Variants in MRPL4 observed in about 807,000 individuals in gnomAD.
MRPL4 encodes the protein mitochondrial ribosomal protein L4, also known as large ribosomal subunit protein uL4m.
Under a neutral mutation model 34.1 loss-of-function variants are expected in MRPL4, and 34 were observed. That is an observed-to-expected ratio of 1.00 (90% CI 0.76 to 1.33). The LOEUF (loss-of-function observed/expected upper bound fraction) is 1.33, where lower values mean the gene tolerates loss of function less well. MRPL4 is among the 40% of genes most tolerant of loss of function. The pLI is 0.00. For synonymous variants in MRPL4, 196 were observed against 188.3 expected (o/e 1.04, Z -0.33); for missense variants, 402 against 434.6 (o/e 0.92, Z 0.67).
chr19:10,253,348 G>A (rs980531365), intron 3 of MRPL4, among the ~76,000 whole-genome samples: 37 of 151,572 alleles, frequency 2.4e-4, no homozygotes, highest in African/African-American at 2.7e-4. Context: ...GCGTGGTGGC[G>A]GGCGTCTGTA....
intron 8 of MRPL4, chr19:10,259,027 G>A (rs1344277353): frequency 7.1e-7 from 1 of 1,403,500 alleles, no homozygotes; most frequent in Non-Finnish European, 9.2e-7. Flanking sequence ...TGAGCTCAGG[G>A]GGCCAAGGCT....
rs201159293 is a variant in MRPL4, at chr19:10,258,637, G to A, written c.691G>A (p.Val231Met). The change falls in exon 8 of 9, where the codon GTG (valine) becomes ATG (methionine). Residue 231 changes from valine (V) to methionine (M), a missense_variant. Physicochemically the swap from Val to Met is conservative, Grantham distance 21 (BLOSUM62 1). Coordinates refer to ENST00000253099, the MANE Select transcript of MRPL4 (RefSeq NM_015956.3). ...ACACGAGGAGATGCCACAGAGCATCGTGGAGGCCACCTCTAGGCTTAAGAC... is the reference window on the plus strand; with the variant it reads ...ACACGAGGAGATGCCACAGAGCATCATGGAGGCCACCTCTAGGCTTAAGAC... ...LTHEEMPQSI[V>M]EATSRLKTFN... is the part of the protein sequence containing the mutation. 2.8e-5 allele frequency: 45 copies of A among 1,614,174 alleles called. No individual in the cohort carries two copies. Among genetic ancestry groups the A allele is most frequent in the Non-Finnish European group, 1.8e-5 (21 of 1,180,042 alleles).
intron 5 of MRPL4, 81 bp downstream of exon 5, chr19:10,256,906 C>A: frequency 9.0e-7 from 1 of 1,107,824 alleles, no homozygotes; most frequent in Non-Finnish European, 1.2e-6. Context: ...CACAGCTGCG[C>A]ACATCTGGCA....
At chr19:10,256,866 G>GGGGGGGGGGGGGGGGGC in intron 5 of MRPL4, 41 bp downstream of exon 5, 41 of 378,334 alleles carry the variant, frequency 1.1e-4, no homozygotes, top group East Asian at 2.5e-4. Context: ...GGGTGGGGGG[G>GGGGGGGGGGGGGGGGGC]CCAGGGAAGG....
intron 8 of MRPL4, chr19:10,259,315 G>A (rs2039885262): frequency 7.2e-7 from 1 of 1,380,302 alleles, no homozygotes; most frequent in South Asian, 1.8e-5. Context: ...TCACCTCCCT[G>A]CCCTCCCGTC....
At chr19:10,254,515 C>A (rs1450315631) in intron 3 of MRPL4, 74 bp from the exon 4 acceptor site, 7 of 1,569,078 alleles carry the variant, frequency 4.5e-6, no homozygotes, top group Non-Finnish European at 6.1e-6. Flanking sequence ...AAGGGAGAAT[C>A]CTGGGTTTTC....
At position 10,252,680 on chromosome 19, in the gene MRPL4, A is replaced by G. The variant is rs760324477; in HGVS notation, c.254A>G (p.Asp85Gly). 1 of 1,604,186 alleles carries G rather than the reference A, an allele frequency of 6.2e-7. No individual in the cohort carries two copies. Among genetic ancestry groups the G allele is most frequent in the South Asian group, 1.1e-5 (1 of 91,026 alleles). Residue 85 changes from aspartate (D) to glycine (G), a missense_variant, in exon 3 of 9, where the codon GAT becomes GGT. Coordinates refer to ENST00000253099, the MANE Select transcript of MRPL4 (RefSeq NM_015956.3). The stretch of plus-strand genomic sequence containing the variant: ...GTGGGCCTGGCCGACCTGCACCCCG[A>G]TGTTTTCGCCACCGCGCCCAGGTGA... The part of the protein sequence containing the change: ...ERVGLADLHP[D>G]VFATAPRLDI...
At position 10,259,636 on chromosome 19, in the gene MRPL4, G is replaced by A. The variant is rs1221503915; in HGVS notation, c.759G>A (p.Met253Ile). 2.8e-6 allele frequency: 4 copies of A among 1,438,896 alleles called. No individual in the cohort carries two copies. The highest frequency in any genetic ancestry group is 2.8e-6 in the Non-Finnish European group (3 of 1,078,432). The allele number at this position is 1,438,896 out of a possible 1,614,324, so 89.1% of individuals were successfully genotyped here. ...CCCCAGGCCTAAATGTGCACAGCATGCTCAAGCACCAGACGCTGGTCCTGA... is the reference window on the plus strand; with the variant it reads ...CCCCAGGCCTAAATGTGCACAGCATACTCAAGCACCAGACGCTGGTCCTGA... ...IPAVGLNVHS[M>I]LKHQTLVLTL... Residue 253 changes from methionine (M) to isoleucine (I), a missense_variant, in exon 9 of 9, where the codon ATG (methionine) becomes ATA (isoleucine). Coordinates refer to ENST00000253099, the MANE Select transcript of MRPL4 (RefSeq NM_015956.3).
chr19:10,258,334 G>A lies in MRPL4; in HGVS notation c.552+6G>A, dbSNP rs1406387683. ...TGACCGTCAAGCTGGCCCAGGTACAGCCATGGGGGGGCCCAGACAGCTGCT... is the reference window on the plus strand; with the variant it reads ...TGACCGTCAAGCTGGCCCAGGTACAACCATGGGGGGGCCCAGACAGCTGCT... On this transcript the variant is annotated splice_donor_region_variant and intron_variant, in intron 6 of 8. Transcript: ENST00000253099. 1 of 1,614,032 alleles carries A rather than the reference G, an allele frequency of 6.2e-7. No homozygotes were observed. The highest frequency in any genetic ancestry group is 1.7e-5 in the Admixed American group (1 of 60,008).
rs2304236 is a variant in MRPL4, at chr19:10,259,768, A to G, written c.891A>G (p.Leu297=). The G allele has an allele frequency of 1.2e-6, 2 of 1,612,642 alleles. No individual in the cohort carries two copies. Among genetic ancestry groups the G allele is most frequent in the Non-Finnish European group, 1.7e-6 (2 of 1,179,490 alleles). ...CCTACAGCGACTTCCCCCGACCCCT[A>G]CCCCACGCTACCCAGGGCCCAGCGG... ...SLPYSDFPRP[L]PHATQGPAAT... The change falls in exon 9 of 9, where the codon CTA becomes CTG. Residue 297 remains leucine (L), a synonymous_variant. Coordinates refer to ENST00000253099, the MANE Select transcript of MRPL4 (RefSeq NM_015956.3).
Position 10,258,471 on chromosome 19 carries a change from C to CA in MRPL4, c.612dup (p.Glu205ArgfsTer32), listed in dbSNP as rs775033265. 2 of 1,614,114 alleles carry CA rather than the reference C, an allele frequency of 1.2e-6. No individual in the cohort carries two copies. Among genetic ancestry groups the CA allele is most frequent in the South Asian group, 2.2e-5 (2 of 91,066 alleles). Reference sequence around the variant, plus strand: ...CCCACCGGAGACCCACAGTACCTGACAGAGCTGGCGCACTACCGCCGCTGG... The same window carrying CA: ...CCCACCGGAGACCCACAGTACCTGACAAGAGCTGGCGCACTACCGCCGCTGG... On this transcript the variant is annotated frameshift_variant, in exon 7 of 9. Coordinates refer to ENST00000253099, the MANE Select transcript of MRPL4 (RefSeq NM_015956.3). LOFTEE classifies it high-confidence loss of function.
At chr19:10,253,307 T>C (rs1351355715) in intron 3 of MRPL4, among the ~76,000 whole-genome samples, 1 of 150,764 alleles carries the variant, frequency 6.6e-6, no homozygotes, top group Non-Finnish European at 1.5e-5. Context: ...AAACCCCGTC[T>C]CTACTAAAAA....
intron 4 of MRPL4, 115 bp from the exon 5 acceptor site, chr19:10,256,591 CAG>C (rs2039853514): frequency 6.3e-6 from 5 of 797,512 alleles, no homozygotes; most frequent in Admixed American, 2.2e-5. Flanking sequence ...TGTGCTTGGC[CAG>C]AGAGAGCCCG....
chr19:10,258,451 C>T lies in MRPL4; in HGVS notation c.591C>T (p.Thr197=), dbSNP rs757213785. The change falls in exon 7 of 9, where the codon ACC becomes ACT. Residue 197 remains threonine (T), a synonymous_variant. Coordinates refer to ENST00000253099, the MANE Select transcript of MRPL4 (RefSeq NM_015956.3). ...TCATGGACTCCCTAGAGCTGCCCAC[C>T]GGAGACCCACAGTACCTGACAGAGC... ...LHIMDSLELP[T]GDPQYLTELA... is the part of the protein sequence containing the mutation. 41 of 1,613,952 alleles carry T rather than the reference C, an allele frequency of 2.5e-5. No homozygotes were observed. The highest frequency in any genetic ancestry group is 1.6e-4 in the Middle Eastern group (1 of 6,084).
At chr19:10,252,919 A>G in intron 3 of MRPL4, 1 of 637,514 alleles carries the variant, frequency 1.6e-6, no homozygotes, top group Non-Finnish European at 2.5e-6. Context: ...TTAGGGAGAC[A>G]GAATTCTGGA....
Position 10,259,761 on chromosome 19 carries a change from G to T in MRPL4, c.884G>T (p.Arg295Leu), listed in dbSNP as rs763787644. The change falls in exon 9 of 9, where the codon CGA becomes CTA. Residue 295 changes from arginine to leucine, a missense_variant. Coordinates refer to ENST00000253099, the MANE Select transcript of MRPL4 (RefSeq NM_015956.3). ...AGCCTGCCCTACAGCGACTTCCCCC[G>T]ACCCCTACCCCACGCTACCCAGGGC... ...PFSLPYSDFP[R>L]PLPHATQGPA... The T allele has an allele frequency of 6.2e-7, 1 of 1,613,688 alleles. No individual in the cohort carries two copies. The highest frequency in any genetic ancestry group is 8.5e-7 in the Non-Finnish European group (1 of 1,179,860).
chr19:10,259,612 C>A lies in MRPL4; in HGVS notation c.740-5C>A. 1.9e-6 allele frequency: 3 copies of A among 1,572,852 alleles called. No individual in the cohort carries two copies. Among genetic ancestry groups the A allele is most frequent in the Non-Finnish European group, 2.6e-6 (3 of 1,164,672 alleles). ...CCCCCCGCCCCGCCCCCACCCCGCC[C>A]CCAGGCCTAAATGTGCACAGCATGC... On this transcript the variant is annotated splice_polypyrimidine_tract_variant and splice_region_variant and intron_variant, in intron 8 of 8. Transcript: ENST00000253099.
intron 8 of MRPL4, chr19:10,259,098 C>CAAAAAAAAAAAAAAAAA: frequency 4.4e-5 from 24 of 539,536 alleles, no homozygotes; most frequent in Non-Finnish European, 5.0e-5. Context: ...ACTCTTGTCT[C>CAAAAAAAAAAAAAAAAA]AAAAAAAAAA....
chr19:10,257,776 C>T (rs1015825426), intron 5 of MRPL4, among the ~76,000 whole-genome samples: 2 of 152,044 alleles, frequency 1.3e-5, no homozygotes, highest in Non-Finnish European at 2.9e-5. Context: ...TCTAGCCACT[C>T]TATGGAATCC....
Sources: gnomAD v4.1 joint callset for allele counts (sites outside exome capture counted in the v4.1 genomes callset) on GRCh38, gnomAD v4.1.1 for gene constraint, MANE v1.5 for transcripts, NCBI Gene and HGNC (gene_info 2026-07-23, HGNC 2026-07-21) for gene names.